The following CRPPA variants were observed in gnomAD, a reference collection of about 807,000 sequenced individuals.
CRPPA encodes D-ribitol-5-phosphate cytidylyltransferase.
A neutral mutation model predicts 52.0 loss-of-function variants in CRPPA; 43 were observed. The ratio of observed to expected loss-of-function variants is 0.83; its 90% CI spans 0.65 to 1.07. CRPPA has a LOEUF of 1.07. CRPPA is among the 50% of genes least tolerant of loss of function. CRPPA has a pLI of 0.00. For synonymous variants in CRPPA, 250 were observed against 203.5 expected, an observed-to-expected ratio of 1.23 and a Z score of -1.94; for missense variants, 629 against 551.7, an observed-to-expected ratio of 1.14 and a Z score of -1.40.
At chr7:16,344,848 A>G (rs919725174) in intron 3 of CRPPA, among the ~76,000 whole-genome samples, 16 of 152,128 alleles carry the variant, frequency 1.1e-4, no homozygotes, top group African/African-American at 3.9e-4. Context: ...AAGATCTCAG[A>G]TTATCAGTGG....
intron 3 of CRPPA, among the ~76,000 whole-genome samples, chr7:16,312,854 T>C (rs879674131): frequency 3.3e-5 from 5 of 151,996 alleles, no homozygotes; most frequent in Admixed American, 1.3e-4. Flanking sequence ...TTTCTCTTTC[T>C]GCCTATTGAT....
intron 3 of CRPPA, among the ~76,000 whole-genome samples, chr7:16,369,505 C>T (rs1332253629): frequency 6.6e-6 from 1 of 152,164 alleles, no homozygotes; most frequent in Non-Finnish European, 1.5e-5. Context: ...TTTCTTAAAA[C>T]AGGTACTGAG....
chr7:16,140,067 A>C (rs1033210058), intron 9 of CRPPA, among the ~76,000 whole-genome samples: 1 of 152,226 alleles, frequency 6.6e-6, no homozygotes, highest in African/African-American at 2.4e-5. Context: ...TACTCAAAGG[A>C]ATACTATACA....
chr7:16,140,851 C>A (rs1782855532), intron 9 of CRPPA, among the ~76,000 whole-genome samples: 3 of 152,300 alleles, frequency 2.0e-5, no homozygotes, highest in East Asian at 1.9e-4. Context: ...ACTATTCATT[C>A]ATTTATTGTT....
At chr7:16,383,784 T>C (rs1301204412) in intron 2 of CRPPA, among the ~76,000 whole-genome samples, 3 of 152,228 alleles carry the variant, frequency 2.0e-5, no homozygotes, top group Non-Finnish European at 4.4e-5. Flanking sequence ...TCCATGGGCG[T>C]AGGACCCTCC....
At chr7:16,209,892 A>T (rs1005404378) in intron 9 of CRPPA, among the ~76,000 whole-genome samples, 5 of 152,224 alleles carry the variant, frequency 3.3e-5, no homozygotes, top group Non-Finnish European at 7.3e-5. Context: ...GAAGAACAAG[A>T]ACTTAAAGCT....
At chr7:16,140,054 A>G (rs548488891) in intron 9 of CRPPA, among the ~76,000 whole-genome samples, 1 of 152,342 alleles carries the variant, frequency 6.6e-6, no homozygotes, top group Non-Finnish European at 1.5e-5. Context: ...TTTTGATTAA[A>G]TATACTCAAA....
intron 4 of CRPPA, among the ~76,000 whole-genome samples, chr7:16,305,813 C>T (rs754448898): frequency 6.6e-6 from 1 of 152,126 alleles, no homozygotes. Context: ...ACCAGGGAGT[C>T]GGAGGTTGCA....
chr7:16,202,339 A>G (rs917137291), intron 9 of CRPPA, among the ~76,000 whole-genome samples: 1 of 152,216 alleles, frequency 6.6e-6, no homozygotes, highest in Non-Finnish European at 1.5e-5. Flanking sequence ...TATCTATAGT[A>G]TAAACAGAAA....
intron 9 of CRPPA, among the ~76,000 whole-genome samples, chr7:16,153,577 C>CTGCAGGTA (rs1362039797): frequency 6.6e-6 from 1 of 152,102 alleles, no homozygotes. Flanking sequence ...GGTAAACACA[C>CTGCAGGTA]AAACATAAAT....
At chr7:16,221,687 A>G (rs959516386) in intron 8 of CRPPA, among the ~76,000 whole-genome samples, 2 of 152,178 alleles carry the variant, frequency 1.3e-5, no homozygotes, top group African/African-American at 4.8e-5. Flanking sequence ...CAAAAAACAC[A>G]TGAAAAAATG....
chr7:16,411,216 C>A (rs1788069973), intron 1 of CRPPA, among the ~76,000 whole-genome samples: 2 of 152,276 alleles, frequency 1.3e-5, no homozygotes, highest in Middle Eastern at 3.4e-3. Context: ...CAGCTTTACA[C>A]ATGAGGACAC....
chr7:16,347,661 A>T (rs1786049021), intron 3 of CRPPA, among the ~76,000 whole-genome samples: 1 of 152,150 alleles, frequency 6.6e-6, no homozygotes, highest in Non-Finnish European at 1.5e-5. Context: ...GTCAGACATT[A>T]GTCAAGTCTC....
At chr7:16,226,424 A>T (rs987877155) in intron 8 of CRPPA, among the ~76,000 whole-genome samples, 6 of 151,820 alleles carry the variant, frequency 4.0e-5, no homozygotes, top group African/African-American at 1.4e-4. Flanking sequence ...CCAACTTAAC[A>T]TTTTATTTTG....
intron 8 of CRPPA, among the ~76,000 whole-genome samples, chr7:16,249,790 G>C (rs1223141783): frequency 5.9e-5 from 9 of 152,284 alleles, no homozygotes; most frequent in African/African-American, 2.2e-4. Flanking sequence ...GTGCAGAAAG[G>C]CTGAAAAGTC....
At chr7:16,356,466 T>C (rs1786297938) in intron 3 of CRPPA, among the ~76,000 whole-genome samples, 1 of 152,206 alleles carries the variant, frequency 6.6e-6, no homozygotes, top group Admixed American at 6.5e-5. Flanking sequence ...GGCTGGCCTC[T>C]GACTGCTCTG....
Position 16,275,451 on chromosome 7 carries a change from G to C in CRPPA, c.933+2678C>G, listed in dbSNP as rs1448620441. On this transcript the variant is annotated intron_variant, in intron 6 of 9. Coordinates refer to ENST00000407010, the MANE Select transcript of CRPPA (RefSeq NM_001101426.4). ...AGGTGCACTAGGAATAAAGGAAAGA[G>C]AAAGTACAGGCAAAGGACGGCCACG... 4.6e-5 allele frequency among the ~76,000 whole-genome samples: 7 copies of C among 152,270 alleles called. No homozygotes were observed. The South Asian group carries it at 1.5e-3, about 32-fold the overall frequency.
intron 9 of CRPPA, among the ~76,000 whole-genome samples, chr7:16,162,916 C>G (rs1315426058): frequency 1.3e-5 from 2 of 150,238 alleles, no homozygotes; most frequent in African/African-American, 2.4e-5. Flanking sequence ...GCATTGATCC[C>G]TTTACCATTA....
At chr7:16,232,326 G>C (rs534602404) in intron 8 of CRPPA, among the ~76,000 whole-genome samples, 55 of 152,254 alleles carry the variant, frequency 3.6e-4, no homozygotes, top group African/African-American at 1.2e-3. Flanking sequence ...GGTCATGAGC[G>C]CTTATGAAGG....
Sources: allele counts gnomAD v4.1 joint callset (sites outside exome capture counted in the v4.1 genomes callset), GRCh38; gene constraint gnomAD v4.1.1; transcripts MANE v1.5; gene names NCBI Gene and HGNC (gene_info 2026-07-23, HGNC 2026-07-21).